The following ICOS variants were observed in gnomAD, a reference collection of about 807,000 sequenced individuals.
ICOS encodes inducible T cell costimulator, also known as inducible T-cell costimulator.
A neutral mutation model predicts 24.6 loss-of-function variants in ICOS; 15 were observed. The ratio of observed to expected loss-of-function variants is 0.61; its 90% CI spans 0.41 to 0.94. ICOS has a LOEUF of 0.94. Among genes scored for constraint, ICOS ranks in the 40% least tolerant of loss-of-function variants. The pLI, the probability that ICOS is intolerant of heterozygous loss-of-function variation, is 0.00. For synonymous variants in ICOS, 89 were observed against 77.5 expected (o/e 1.15, Z -0.78); for missense variants, 200 against 233.0 (o/e 0.86, Z 0.92).
At chr2:203,956,793 C>T in intron 3 of ICOS, 28 bp downstream of exon 3, 1 of 1,394,056 alleles carries the variant, frequency 7.2e-7, no homozygotes, top group Non-Finnish European at 1.0e-6. Flanking sequence ...TTCCTTGTAT[C>T]TGCTTTACAG....
intron 1 of ICOS, among the ~76,000 whole-genome samples, chr2:203,944,193 C>T (rs1022496458): frequency 3.9e-5 from 6 of 152,204 alleles, no homozygotes; most frequent in Non-Finnish European, 8.8e-5. Context: ...TTACAAAGTT[C>T]AGCTAGAGAA....
intron 1 of ICOS, among the ~76,000 whole-genome samples, chr2:203,939,104 A>G (rs1689718295): frequency 6.6e-6 from 1 of 152,222 alleles, no homozygotes; most frequent in Non-Finnish European, 1.5e-5. Flanking sequence ...ACCTTTAGTC[A>G]GTGTTTGAAG....
chr2:203,939,365 A>G (rs1689722706), intron 1 of ICOS, among the ~76,000 whole-genome samples: 1 of 152,126 alleles, frequency 6.6e-6, no homozygotes, highest in Admixed American at 6.5e-5. Context: ...AGAATTTAAC[A>G]AAGTCTTGTT....
chr2:203,957,812 G>C lies in ICOS; in HGVS notation c.515G>C (p.Ser172Thr). Residue 172 changes from serine to threonine, a missense_variant, in exon 4 of 5, where the codon AGT becomes ACT. Physicochemically the swap from Ser to Thr is moderately conservative, Grantham distance 58. Coordinates refer to ENST00000316386, the MANE Select transcript of ICOS (RefSeq NM_012092.4). ...CWLTKKKYSS[S>T]VHDPNGEYMF... Reference sequence around the variant, plus strand: ...TTTTTCTTTCAGAAGTATTCATCCAGTGTGCACGACCCTAACGGTGAATAC... The same window carrying C: ...TTTTTCTTTCAGAAGTATTCATCCACTGTGCACGACCCTAACGGTGAATAC... The C allele has an allele frequency of 6.2e-7, 1 of 1,612,552 alleles. No individual in the cohort carries two copies. The highest frequency in any genetic ancestry group is 1.1e-5 in the South Asian group (1 of 91,054).
At position 203,953,821 on chromosome 2, in the gene ICOS, T is replaced by A. The variant is rs1690026631; in HGVS notation, c.59-1815T>A. Among the ~76,000 whole-genome samples, 4 of 152,106 alleles carry A rather than the reference T, an allele frequency of 2.6e-5. No homozygotes were observed. The South Asian group carries it at 8.3e-4, about 32-fold the overall frequency. ...ACATTTTGGCCAATAATATAGTCAT[T>A]AAAAAGGATAATTATGATGACTAAA... On this transcript the variant is annotated intron_variant, in intron 1 of 4. Coordinates refer to ENST00000316386, the MANE Select transcript of ICOS (RefSeq NM_012092.4).
chr2:203,954,261 G>T (rs1690036292), intron 1 of ICOS, among the ~76,000 whole-genome samples: 2 of 152,074 alleles, frequency 1.3e-5, no homozygotes, highest in African/African-American at 4.8e-5. Flanking sequence ...AACAACCTTG[G>T]CTTCCTATAA....
intron 1 of ICOS, among the ~76,000 whole-genome samples, chr2:203,937,257 T>C (rs4335928): frequency 0.086 from 13,019 of 152,214 alleles, 717 homozygotes; most frequent in East Asian, 0.12. Flanking sequence ...GGGAATTCTT[T>C]CTGTGGTAGA....
intron 1 of ICOS, among the ~76,000 whole-genome samples, chr2:203,953,430 A>C (rs1690019955): frequency 6.6e-6 from 1 of 152,220 alleles, no homozygotes; most frequent in African/African-American, 2.4e-5. Context: ...CGTGAGAATT[A>C]GTTTGAATAA....
rs548308592 is a variant in ICOS at position 203,944,726 on chromosome 2, G to A, written c.58+7854G>A. Among the ~76,000 whole-genome samples the A allele has an allele frequency of 2.0e-5, 3 of 152,288 alleles. No homozygotes were observed. The East Asian group carries it at 5.8e-4, about 29-fold the overall frequency. On this transcript the variant is annotated intron_variant, in intron 1 of 4. Transcript: ENST00000316386. Reference sequence around the variant, plus strand: ...AGCTCATGGTTAAATGAGGAAGACAGACAAAAATAATTATGATCCAAGATG... The same window carrying A: ...AGCTCATGGTTAAATGAGGAAGACAAACAAAAATAATTATGATCCAAGATG...
chr2:203,959,648 A>G lies in ICOS; in HGVS notation c.*49A>G, dbSNP rs1333028361. 3 of 1,567,388 alleles carry G rather than the reference A, an allele frequency of 1.9e-6. No homozygotes were observed. The highest frequency in any genetic ancestry group is 1.8e-6 in the Non-Finnish European group (2 of 1,137,848). ...TGAAGCACGTTGGCCAGTTTTCCTC[A>G]ACTTGAAGTGCAAGATTCTCTTATT... On this transcript the variant is annotated 3_prime_UTR_variant, in exon 5 of 5. Coordinates refer to ENST00000316386, the MANE Select transcript of ICOS (RefSeq NM_012092.4).
rs1359981049 is a variant in ICOS at position 203,960,356 on chromosome 2, T to C, written c.*757T>C. ...ATATACACACATATGTATATAAAATTCATAATGAATATATTTGCCTATATT... is the reference window on the plus strand; with the variant it reads ...ATATACACACATATGTATATAAAATCCATAATGAATATATTTGCCTATATT... On this transcript the variant is annotated 3_prime_UTR_variant, in exon 5 of 5. Coordinates refer to ENST00000316386, the MANE Select transcript of ICOS (RefSeq NM_012092.4). 6.6e-6 allele frequency: 1 copy of C among 152,228 alleles called. No individual in the cohort carries two copies. Among genetic ancestry groups the C allele is most frequent in the Non-Finnish European group, 1.5e-5 (1 of 68,050 alleles). 9.4% of individuals were successfully genotyped at this position (152,228 alleles called of 1,614,324 possible). A position where few individuals can be genotyped will look rare whatever the true frequency, so the allele number is the denominator to read the frequency against.
At position 203,957,783 on chromosome 2, in the gene ICOS, T is replaced by C; in HGVS notation, c.502-16T>C. 6.3e-7 allele frequency: 1 copy of C among 1,587,670 alleles called. No individual in the cohort carries two copies. Among genetic ancestry groups the C allele is most frequent in the Non-Finnish European group, 8.6e-7 (1 of 1,156,080 alleles). ...AAGAAAAGATGACCAAGCATGTTTC[T>C]GGCTTTTTCTTTCAGAAGTATTCAT... On this transcript the variant is annotated splice_polypyrimidine_tract_variant and intron_variant, in intron 3 of 4. Transcript: ENST00000316386.
At chr2:203,957,335 T>C (rs1042385515) in intron 3 of ICOS, among the ~76,000 whole-genome samples, 4 of 152,172 alleles carry the variant, frequency 2.6e-5, no homozygotes, top group Non-Finnish European at 5.9e-5. Context: ...TTTAGAAAGA[T>C]AAACAACAAT....
rs139449630 is a variant in ICOS, at chr2:203,956,702, A to T, written c.438A>T (p.Gly146=). 1.6e-4 allele frequency: 260 copies of T among 1,613,572 alleles called. No individual in the cohort carries two copies. The highest frequency in any genetic ancestry group is 2.0e-4 in the Non-Finnish European group (241 of 1,179,576). The part of the protein sequence containing the change: ...CCQLKFWLPI[G]CAAFVVVCIL... ...AGCTGAAGTTCTGGTTACCCATAGG[A>T]TGTGCAGCCTTTGTTGTAGTCTGCA... Residue 146 remains glycine (G), a synonymous_variant, in exon 3 of 5, where the codon GGA becomes GGT. Transcript: ENST00000316386.
At chr2:203,950,550 T>A (rs1689951082) in intron 1 of ICOS, among the ~76,000 whole-genome samples, 1 of 152,218 alleles carries the variant, frequency 6.6e-6, no homozygotes, top group Admixed American at 6.5e-5. Context: ...ATAGCAAGCA[T>A]ATCTGTTCTA....
At chr2:203,955,192 C>T (rs768148320) in intron 1 of ICOS, among the ~76,000 whole-genome samples, 2 of 152,034 alleles carry the variant, frequency 1.3e-5, no homozygotes, top group Non-Finnish European at 2.9e-5. Context: ...TTCCTCAAGG[C>T]GGCATTTTCT....
At chr2:203,956,940 A>G (rs1022432189) in intron 3 of ICOS, among the ~76,000 whole-genome samples, 175 bp downstream of exon 3, 5 of 152,106 alleles carry the variant, frequency 3.3e-5, no homozygotes, top group African/African-American at 1.2e-4. Flanking sequence ...AAATTTATGT[A>G]TTTGTTTTAT....
intron 1 of ICOS, among the ~76,000 whole-genome samples, chr2:203,943,782 T>G (rs1689822446): frequency 6.6e-6 from 1 of 152,126 alleles, no homozygotes; most frequent in African/African-American, 2.4e-5. Context: ...GCTAGGCATG[T>G]CTGAGCTCAG....
intron 1 of ICOS, among the ~76,000 whole-genome samples, chr2:203,944,270 C>T (rs932436260): frequency 4.6e-5 from 7 of 152,138 alleles, no homozygotes; most frequent in African/African-American, 1.7e-4. Flanking sequence ...CCCTGTGGTG[C>T]CTGGCAAGAA....
Sources: allele counts gnomAD v4.1 joint callset (sites outside exome capture counted in the v4.1 genomes callset), GRCh38; gene constraint gnomAD v4.1.1; transcripts MANE v1.5; gene names NCBI Gene and HGNC (gene_info 2026-07-23, HGNC 2026-07-21).